The following DUS1L variants were observed in gnomAD, a reference collection of about 807,000 sequenced individuals.
DUS1L encodes the protein tRNA-dihydrouridine(16/17) synthase [NAD(P)(+)]-like.
Under a neutral mutation model 61.2 loss-of-function variants are expected in DUS1L, and 56 were observed. That is an observed-to-expected ratio of 0.92 (90% CI 0.74 to 1.14). DUS1L has a LOEUF of 1.14. Among genes scored for constraint, DUS1L ranks in the 50% most tolerant of loss-of-function variants. The pLI is 0.00. For missense variants in DUS1L, 630 were observed against 632.4 expected (o/e 1.00, Z 0.04); for synonymous variants, 278 against 259.5 (o/e 1.07, Z -0.69).
chr17:82,060,257 A>G lies in DUS1L; in HGVS notation c.1023-164T>C, dbSNP rs1281150775. On this transcript the variant is annotated intron_variant, in intron 10 of 13. Coordinates refer to ENST00000306796, the MANE Select transcript of DUS1L (RefSeq NM_022156.5). ...TCGGGCAGCCCATTCAGGACTCGTC[A>G]CTAGGGAGTCCGGGGCCTCTGAGAT... is the stretch of plus-strand genomic sequence containing the variant. The G allele has an allele frequency of 4.5e-6, 4 of 898,662 alleles. No individual in the cohort carries two copies. In the African/African-American group the frequency reaches 6.8e-5, roughly 15 times the overall value. The allele number at this position is 898,662 out of a possible 1,614,324, so 55.7% of individuals were successfully genotyped here. A position where few individuals can be genotyped will look rare whatever the true frequency, so the allele number is the denominator to read the frequency against.
At position 82,057,998 on chromosome 17, in the gene DUS1L, G is replaced by A. The variant is rs1350339778; in HGVS notation, c.*117C>T. The A allele has an allele frequency of 4.5e-6, 6 of 1,334,984 alleles. No individual in the cohort carries two copies. The South Asian group carries it at 1.0e-4, about 23-fold the overall frequency. 82.7% of individuals were successfully genotyped at this position (1,334,984 alleles called of 1,614,324 possible). On this transcript the variant is annotated 3_prime_UTR_variant, in exon 14 of 14. Coordinates refer to ENST00000306796, the MANE Select transcript of DUS1L (RefSeq NM_022156.5). ...AGGCCCCCAGAGTGGGCCGAAGGGG[G>A]ACATGGGCGTGTCTTTCCACATTAA...
intron 3 of DUS1L, 98 bp from the exon 4 acceptor site, chr17:82,063,616 C>T (rs1177628659): frequency 6.8e-7 from 1 of 1,466,990 alleles, no homozygotes; most frequent in African/African-American, 1.4e-5. Flanking sequence ...TCCACGCAGG[C>T]CAGGAGCTGC....
At position 82,059,987 on chromosome 17, in the gene DUS1L, G is replaced by C. The variant is rs143653555; in HGVS notation, c.1129C>G (p.Leu377Val). The change falls in exon 11 of 14, where the codon CTG (leucine) becomes GTG (valine). Residue 377 changes from leucine to valine, a missense_variant. Leu to Val is a conservative substitution (Grantham distance 32, BLOSUM62 1). Transcript: ENST00000306796. ...VLSKNKQKKQ[L>V]RNPHKTFDPS... ...TCGAAGGTCTTGTGGGGGTTCCTCA[G>C]CTGCTTCTTTTGCTTGTTCTTGGAC... 2.5e-6 allele frequency: 4 copies of C among 1,613,872 alleles called. No homozygotes were observed. The South Asian group carries it at 3.3e-5, about 13-fold the overall frequency.
intron 3 of DUS1L, among the ~76,000 whole-genome samples, chr17:82,063,857 G>C (rs1021385823): frequency 6.6e-6 from 1 of 152,204 alleles, no homozygotes; most frequent in African/African-American, 2.4e-5. Context: ...CAGTGCAAGG[G>C]GGTAATGGGG....
At chr17:82,060,341 G>A in intron 10 of DUS1L, 1 of 597,536 alleles carries the variant, frequency 1.7e-6, no homozygotes. Flanking sequence ...GAGGGCTGTG[G>A]CCACGGATGG....
intron 3 of DUS1L, among the ~76,000 whole-genome samples, chr17:82,063,906 C>T (rs2033635355): frequency 6.6e-6 from 1 of 152,208 alleles, no homozygotes; most frequent in Non-Finnish European, 1.5e-5. Flanking sequence ...GAGGGAGCTC[C>T]CTGAGGGAAG....
In DUS1L at chr17:82,061,639, C is replaced by T. The variant is rs1214238994; in HGVS notation, c.676G>A (p.Val226Met). 1 of 1,612,316 alleles carries T rather than the reference C, an allele frequency of 6.2e-7. No individual in the cohort carries two copies. The highest frequency in any genetic ancestry group is 8.5e-7 in the Non-Finnish European group (1 of 1,179,848). ...CCACCTGCGCTCATGACGCCCTGCA[C>T]ACCCGTGTCCCGGAGGCAGCGCTCC... ...DVERCLRDTG[V>M]QGVMSAEGNL... is the part of the protein sequence containing the mutation. The change falls in exon 7 of 14, where the codon GTG becomes ATG. Residue 226 changes from valine to methionine, a missense_variant. Coordinates refer to ENST00000306796, the MANE Select transcript of DUS1L (RefSeq NM_022156.5).
intron 11 of DUS1L, chr17:82,059,268 G>C (rs2144716600): frequency 1.3e-5 from 2 of 159,664 alleles, no homozygotes; most frequent in East Asian, 2.5e-4. Context: ...TCAGTGGCCT[G>C]GTGGGGGGCA....
intron 11 of DUS1L, 181 bp from the exon 12 acceptor site, chr17:82,058,999 G>A: frequency 1.6e-6 from 1 of 624,690 alleles, no homozygotes; most frequent in South Asian, 1.8e-5. Context: ...CCTTCCGTGA[G>A]CAATGGGTGA....
chr17:82,059,910 G>A (rs777336185), intron 11 of DUS1L, 38 bp downstream of exon 11: 3 of 1,611,658 alleles, frequency 1.9e-6, no homozygotes, highest in Non-Finnish European at 2.5e-6. Context: ...GGGTGATGAA[G>A]AGGCTCTCTC....
At chr17:82,063,324 C>T in intron 4 of DUS1L, 144 bp downstream of exon 4, 1 of 1,122,096 alleles carries the variant, frequency 8.9e-7, no homozygotes, top group Non-Finnish European at 1.3e-6. Flanking sequence ...AGCAGAGAGG[C>T]TGCTGTGGGC....
At position 82,060,842 on chromosome 17, in the gene DUS1L, C is replaced by T. The variant is rs760836486; in HGVS notation, c.939+23G>A. On this transcript the variant is annotated intron_variant, in intron 9 of 13. Coordinates refer to ENST00000306796, the MANE Select transcript of DUS1L (RefSeq NM_022156.5). ...GCCCCTCACCCCCTGCAAGGCCGGG[C>T]TCCCACCAGCCCCAGCACCTGCCTG... 5 of 1,611,550 alleles carry T rather than the reference C, an allele frequency of 3.1e-6. No homozygotes were observed. In the East Asian group the frequency reaches 1.1e-4, roughly 36 times the overall value.
chr17:82,060,984 C>T, intron 8 of DUS1L, 23 bp from the exon 9 acceptor site: 1 of 1,603,668 alleles, frequency 6.2e-7, no homozygotes, highest in Non-Finnish European at 8.5e-7. Flanking sequence ...CCCTGTCACG[C>T]AGGCTGGGCT....
chr17:82,060,430 A>G (rs1312971667), intron 10 of DUS1L: 10 of 586,002 alleles, frequency 1.7e-5, no homozygotes, highest in East Asian at 2.8e-5. Flanking sequence ...AGAGGAGCTC[A>G]GAGAAGTATG....
Position 82,058,220 on chromosome 17 carries a change from C to A in DUS1L, c.1317G>T (p.Lys439Asn). 1.3e-6 allele frequency: 2 copies of A among 1,592,396 alleles called. No individual in the cohort carries two copies. The highest frequency in any genetic ancestry group is 1.7e-6 in the Non-Finnish European group (2 of 1,165,070). ...GCTGGGCCTCTTTCCAGGCCAGAGA[C>A]TTCTCCAATTTGGTTTTAAAAAGCA... ...HGLLFKTKLE[K>N]SLAWKEAQPE... Residue 439 changes from lysine (K) to asparagine (N), a missense_variant, in exon 14 of 14, where the codon AAG becomes AAT. Lys to Asn is a moderately conservative substitution (Grantham distance 94, BLOSUM62 0). Transcript: ENST00000306796.
In DUS1L at chr17:82,061,898, C is replaced by T. The variant is rs1415430047; in HGVS notation, c.593+3G>A. 6.2e-7 allele frequency: 1 copy of T among 1,606,048 alleles called. No individual in the cohort carries two copies. The highest frequency in any genetic ancestry group is 1.3e-5 in the African/African-American group (1 of 74,836). ...GAGGGCTGTGTCACCCACACCCACT[C>T]ACCGCACAGCCTTGATATGCTCCCA... is the stretch of plus-strand genomic sequence containing the variant. On this transcript the variant is annotated splice_donor_region_variant and intron_variant, in intron 6 of 13. Transcript: ENST00000306796.
At position 82,058,066 on chromosome 17, in the gene DUS1L, G is replaced by A. The variant is rs1414482770; in HGVS notation, c.*49C>T. 2.7e-6 allele frequency: 4 copies of A among 1,475,990 alleles called. No individual in the cohort carries two copies. Among genetic ancestry groups the A allele is most frequent in the Admixed American group, 4.8e-5 (2 of 42,074 alleles). The allele number at this position is 1,475,990 out of a possible 1,614,324, so 91.4% of individuals were successfully genotyped here. On this transcript the variant is annotated 3_prime_UTR_variant, in exon 14 of 14. Transcript: ENST00000306796. ...GAGTAAAAGGCATTTTCTTAAGTAG[G>A]ACGTGTCCAGGCTCCAGCAGCAGTC...
intron 1 of DUS1L, chr17:82,065,336 C>A (rs1598562875): frequency 4.7e-6 from 2 of 430,028 alleles, no homozygotes; most frequent in East Asian, 3.6e-5. Flanking sequence ...AGGGGACTGG[C>A]GTGAAGGGGG....
chr17:82,060,659 A>G, intron 10 of DUS1L, 42 bp downstream of exon 10: 2 of 1,598,604 alleles, frequency 1.3e-6, no homozygotes, highest in Non-Finnish European at 8.5e-7. Context: ...TGGAGCCCAC[A>G]CCTTGGTGCA....
Sources: gnomAD v4.1 joint callset for allele counts (sites outside exome capture counted in the v4.1 genomes callset) on GRCh38, gnomAD v4.1.1 for gene constraint, MANE v1.5 for transcripts, NCBI Gene and HGNC (gene_info 2026-07-23, HGNC 2026-07-21) for gene names.